Variants in NRXN3 observed in about 807,000 individuals in gnomAD.
NRXN3 encodes the protein neurexin 3.
A neutral mutation model predicts 137.6 loss-of-function variants in NRXN3; 32 were observed. The ratio of observed to expected loss-of-function variants is 0.23; its 90% CI spans 0.18 to 0.31. The LOEUF (loss-of-function observed/expected upper bound fraction) is 0.31. Among genes scored for constraint, NRXN3 ranks in the 10% least tolerant of loss-of-function variants. The pLI is 1.00. For synonymous variants in NRXN3, 798 were observed against 784.5 expected, an observed-to-expected ratio of 1.02 and a Z score of -0.29; for missense variants, 1,574 against 2,062.5, an observed-to-expected ratio of 0.76 and a Z score of 4.59.
At chr14:79,496,610 C>A (rs2096770283) in intron 16 of NRXN3, among the ~76,000 whole-genome samples, 1 of 152,144 alleles carries the variant, frequency 6.6e-6, no homozygotes, top group Admixed American at 6.5e-5. Context: ...ACAGCCTTTG[C>A]TATAATTATA....
chr14:78,634,805 C>T (rs2097552861), intron 4 of NRXN3, among the ~76,000 whole-genome samples: 1 of 151,974 alleles, frequency 6.6e-6, no homozygotes, highest in Non-Finnish European at 1.5e-5. Context: ...GCTGTAGTAT[C>T]AAATAATTAG....
intron 1 of NRXN3, among the ~76,000 whole-genome samples, chr14:78,224,441 A>T (rs1017667992): frequency 6.6e-6 from 1 of 151,770 alleles, no homozygotes; most frequent in African/African-American, 2.4e-5. Context: ...CCACCCCACA[A>T]CAGTCCCCAG....
chr14:78,317,873 C>T (rs2078895166), intron 4 of NRXN3, among the ~76,000 whole-genome samples: 1 of 152,170 alleles, frequency 6.6e-6, no homozygotes, highest in African/African-American at 2.4e-5. Context: ...TAACGTGATA[C>T]ACCTATCCTG....
At chr14:79,701,184 A>T (rs1039361862) in intron 19 of NRXN3, among the ~76,000 whole-genome samples, 12 of 152,088 alleles carry the variant, frequency 7.9e-5, no homozygotes, top group Non-Finnish European at 1.0e-4. Context: ...ATGCACTTGG[A>T]GCTAGATTAG....
intron 15 of NRXN3, among the ~76,000 whole-genome samples, chr14:79,386,734 G>A (rs2094631915): frequency 6.6e-6 from 1 of 152,154 alleles, no homozygotes; most frequent in Middle Eastern, 3.4e-3. Flanking sequence ...AAACAGCATG[G>A]TACTGGTACC....
At chr14:78,799,488 A>C (rs1273989396) in intron 8 of NRXN3, among the ~76,000 whole-genome samples, 1 of 152,132 alleles carries the variant, frequency 6.6e-6, no homozygotes, top group African/African-American at 2.4e-5. Flanking sequence ...AAACTTTCCC[A>C]TGTTTTTCTG....
chr14:78,965,883 T>C, intron 11 of NRXN3, 142 bp from the exon 12 acceptor site: 1 of 886,842 alleles, frequency 1.1e-6, no homozygotes, highest in Non-Finnish European at 1.7e-6. Context: ...ATCTACCATA[T>C]TGAATATTTG....
At chr14:79,170,891 G>A (rs573646402) in intron 15 of NRXN3, among the ~76,000 whole-genome samples, 11 of 152,036 alleles carry the variant, frequency 7.2e-5, no homozygotes, top group Non-Finnish European at 1.6e-4. Context: ...GTGGTTCCCT[G>A]GATCAGTTAT....
rs563970647 is a variant in NRXN3 at position 79,172,851 on chromosome 14, A to G, written c.3262+184710A>G. On this transcript the variant is annotated intron_variant, in intron 15 of 20. Coordinates refer to ENST00000335750, the MANE Select transcript of NRXN3 (RefSeq NM_001330195.2). The stretch of plus-strand genomic sequence containing the variant: ...AAACCATTGTAATAAAAAATAATGT[A>G]TGAACCTGGCATGAAAAGTGGGCAA... Among the ~76,000 whole-genome samples, 9 of 152,328 alleles carry G rather than the reference A, an allele frequency of 5.9e-5. No individual in the cohort carries two copies. In the East Asian group the frequency reaches 1.7e-3, roughly 29 times the overall value.
At chr14:79,595,214 AACAG>A (rs1395418345) in intron 16 of NRXN3, among the ~76,000 whole-genome samples, 1 of 152,226 alleles carries the variant, frequency 6.6e-6, no homozygotes, top group Non-Finnish European at 1.5e-5. Context: ...GTATTGGAAG[AACAG>A]ACAACCTACC....
rs78245252 is a variant in NRXN3, at chr14:79,410,176, T to C, written c.3263-57045T>C. Among the ~76,000 whole-genome samples the C allele has an allele frequency of 0.016, 2,466 of 151,960 alleles. 92 individuals carry two copies. The East Asian group carries it at 0.16, about 10-fold the overall frequency. ...ATGTCTTCCTCATTACCGTAAAATA[T>C]AATGCTTATTTGAGACACACACACA... On this transcript the variant is annotated intron_variant, in intron 15 of 20. Transcript: ENST00000335750.
chr14:78,663,550 G>A (rs576131217), intron 6 of NRXN3, among the ~76,000 whole-genome samples: 1 of 152,278 alleles, frequency 6.6e-6, no homozygotes, highest in East Asian at 1.9e-4. Flanking sequence ...GAGATGGGCA[G>A]CACATTGTTT....
At chr14:79,639,765 T>A (rs1333972485) in intron 16 of NRXN3, among the ~76,000 whole-genome samples, 1 of 152,176 alleles carries the variant, frequency 6.6e-6, no homozygotes, top group Non-Finnish European at 1.5e-5. Context: ...TTTTTACAGG[T>A]GGCTAAGGAA....
intron 10 of NRXN3, among the ~76,000 whole-genome samples, chr14:78,852,770 C>T (rs1259658704): frequency 6.6e-6 from 1 of 151,894 alleles, no homozygotes; most frequent in African/African-American, 2.4e-5. Flanking sequence ...TGAGCTTTCT[C>T]ATATATAAAA....
At chr14:79,389,602 A>T (rs1008864227) in intron 15 of NRXN3, among the ~76,000 whole-genome samples, 1 of 152,222 alleles carries the variant, frequency 6.6e-6, no homozygotes, top group Admixed American at 6.5e-5. Context: ...TACCTTGTGG[A>T]TACTTTGTGA....
chr14:79,459,833 T>G (rs567130068), intron 15 of NRXN3, among the ~76,000 whole-genome samples: 2 of 151,914 alleles, frequency 1.3e-5, no homozygotes, highest in Admixed American at 6.6e-5. Context: ...GGAAAAACAA[T>G]GAGCTTATGA....
chr14:79,262,549 AGAG>A lies in NRXN3; in HGVS notation c.3263-204657_3263-204655del, dbSNP rs372137283. ...GGATGAGGAAAGAGAAAGGAAGGAG[AGAG>A]GAGGAGGAGGAGGAAGAAGAAGAAG... On this transcript the variant is annotated intron_variant, in intron 15 of 20. Coordinates refer to ENST00000335750, the MANE Select transcript of NRXN3 (RefSeq NM_001330195.2). Among the ~76,000 whole-genome samples, 25 of 151,174 alleles carry A rather than the reference AGAG, an allele frequency of 1.7e-4. No individual in the cohort carries two copies. The South Asian group carries it at 1.7e-3, about 10-fold the overall frequency.
At chr14:79,673,296 C>G (rs1164742109) in intron 17 of NRXN3, among the ~76,000 whole-genome samples, 2 of 152,054 alleles carry the variant, frequency 1.3e-5, no homozygotes, top group Non-Finnish European at 2.9e-5. Flanking sequence ...ACTTTTACAG[C>G]CTTTCAGTAA....
chr14:79,419,366 C>A (rs2095543034), intron 15 of NRXN3, among the ~76,000 whole-genome samples: 1 of 152,138 alleles, frequency 6.6e-6, no homozygotes, highest in Non-Finnish European at 1.5e-5. Flanking sequence ...TTACATAAAC[C>A]ATTTCCTTAG....
Sources: allele counts gnomAD v4.1 joint callset (sites outside exome capture counted in the v4.1 genomes callset), GRCh38; gene constraint gnomAD v4.1.1; transcripts MANE v1.5; gene names NCBI Gene and HGNC (gene_info 2026-07-23, HGNC 2026-07-21).